The following DGKI variants were observed in gnomAD, a reference collection of about 807,000 sequenced individuals.
DGKI encodes diacylglycerol kinase iota.
Under a neutral mutation model 147.5 loss-of-function variants are expected in DGKI, and 55 were observed. The observed-to-expected ratio is 0.37, with a 90% CI of 0.30 to 0.47. DGKI has a LOEUF of 0.47. Among genes scored for constraint, DGKI ranks in the 20% least tolerant of loss-of-function variants. The probability of loss-of-function intolerance (pLI) is 1.00; values close to 1 mark genes in which losing one functional copy is unlikely to be tolerated. For missense variants in DGKI, 1,007 were observed against 1,323.8 expected (o/e 0.76, Z 3.71); for synonymous variants, 469 against 477.1 (o/e 0.98, Z 0.22).
In DGKI at chr7:137,416,154, T is replaced by C. The variant is rs368463760; in HGVS notation, c.2762-3947A>G. 2.6e-5 allele frequency among the ~76,000 whole-genome samples: 4 copies of C among 151,982 alleles called. No individual in the cohort carries two copies. In the East Asian group the frequency reaches 7.7e-4, roughly 29 times the overall value. Reference sequence around the variant, plus strand: ...AGGAAAGAAAAATGAATTAACTAACTGAAAGCATTTATGTAATAAAATTAG... The same window carrying C: ...AGGAAAGAAAAATGAATTAACTAACCGAAAGCATTTATGTAATAAAATTAG... On this transcript the variant is annotated intron_variant, in intron 28 of 32. Coordinates refer to ENST00000614521, the MANE Select transcript of DGKI (RefSeq NM_001321708.2).
chr7:137,709,433 C>T (rs574094976), intron 1 of DGKI, among the ~76,000 whole-genome samples: 48 of 152,102 alleles, frequency 3.2e-4, no homozygotes, highest in Admixed American at 7.9e-4. Flanking sequence ...TGAAAGATTC[C>T]ACTCATCTTA....
At chr7:137,542,892 C>T (rs1817749072) in intron 20 of DGKI, among the ~76,000 whole-genome samples, 1 of 152,156 alleles carries the variant, frequency 6.6e-6, no homozygotes, top group Non-Finnish European at 1.5e-5. Context: ...ACAACTGAAA[C>T]CTTAATGTTC....
intron 20 of DGKI, among the ~76,000 whole-genome samples, chr7:137,546,329 A>T (rs1817865925): frequency 6.6e-6 from 1 of 152,144 alleles, no homozygotes; most frequent in Non-Finnish European, 1.5e-5. Flanking sequence ...ACACACTTAC[A>T]TATTGAGTGG....
At chr7:137,509,552 T>TG (rs778112292) in intron 21 of DGKI, among the ~76,000 whole-genome samples, 3 of 152,144 alleles carry the variant, frequency 2.0e-5, no homozygotes, top group Non-Finnish European at 2.9e-5. Context: ...CATGGACTTG[T>TG]GGCCTGCTGA....
At chr7:137,400,206 G>A (rs565927940) in intron 30 of DGKI, among the ~76,000 whole-genome samples, 1 of 152,322 alleles carries the variant, frequency 6.6e-6, no homozygotes, top group South Asian at 2.1e-4. Context: ...CTTCACGTCA[G>A]CAAGGGGCTT....
chr7:137,557,366 T>C (rs1044389936), intron 19 of DGKI, among the ~76,000 whole-genome samples: 1 of 152,228 alleles, frequency 6.6e-6, no homozygotes. Flanking sequence ...GATGCAGTCA[T>C]TAAAATAGTG....
chr7:137,832,595 T>C (rs1461340297), intron 1 of DGKI, among the ~76,000 whole-genome samples: 1 of 152,204 alleles, frequency 6.6e-6, no homozygotes, highest in African/African-American at 2.4e-5. Context: ...AAACCATTTT[T>C]TCCTCCTAGG....
intron 3 of DGKI, among the ~76,000 whole-genome samples, chr7:137,675,723 T>C (rs1823013415): frequency 6.8e-6 from 1 of 147,870 alleles, no homozygotes; most frequent in South Asian, 2.1e-4. Context: ...GACTCTCAAG[T>C]CCAACTCCAA....
intron 1 of DGKI, among the ~76,000 whole-genome samples, chr7:137,822,578 T>G (rs1326913422): frequency 6.6e-6 from 1 of 152,150 alleles, no homozygotes; most frequent in East Asian, 1.9e-4. Flanking sequence ...GTCACAGACA[T>G]GCACACCGAG....
chr7:137,465,882 T>G (rs778196039), intron 26 of DGKI, 26 bp downstream of exon 26: 9 of 1,610,064 alleles, frequency 5.6e-6, no homozygotes, highest in Non-Finnish European at 5.9e-6. Context: ...AAGGCCAGCC[T>G]CACAGGCCAG....
chr7:137,405,131 T>A (rs1811893933), intron 30 of DGKI, among the ~76,000 whole-genome samples: 1 of 152,182 alleles, frequency 6.6e-6, no homozygotes, highest in Non-Finnish European at 1.5e-5. Context: ...ACAGGACTCA[T>A]CATTCATGTC....
chr7:137,770,369 G>T (rs1156830796), intron 1 of DGKI, among the ~76,000 whole-genome samples: 1 of 152,024 alleles, frequency 6.6e-6, no homozygotes, highest in Non-Finnish European at 1.5e-5. Flanking sequence ...AATGCATGAG[G>T]GGCTTAAAAC....
rs1287329235 is a variant in DGKI, at chr7:137,381,108, T to A, written c.*10112A>T. 6.6e-6 allele frequency: 1 copy of A among 152,132 alleles called. No individual in the cohort carries two copies. The highest frequency in any genetic ancestry group is 1.5e-5 in the Non-Finnish European group (1 of 67,994). 9.4% of individuals were successfully genotyped at this position (152,132 alleles called of 1,614,324 possible). On this transcript the variant is annotated 3_prime_UTR_variant, in exon 33 of 33. Transcript: ENST00000614521. ...ACAGAAAAAGTGTCCAAAAAGTAAC[T>A]GTAACTAGTCAATTTCTTTTTCAGA... is the stretch of plus-strand genomic sequence containing the variant.
chr7:137,564,090 A>T (rs1818504965), intron 19 of DGKI, among the ~76,000 whole-genome samples: 1 of 152,158 alleles, frequency 6.6e-6, no homozygotes, highest in Admixed American at 6.5e-5. Flanking sequence ...AACAGAATAG[A>T]ATCTAGACAC....
chr7:137,645,342 G>T lies in DGKI; in HGVS notation c.804+130C>A. ...CTACAATGCCTCTTAAGGAGACCTGGACAAGTAAGGTCTTTCAGAAAGGAA... is the reference window on the plus strand; with the variant it reads ...CTACAATGCCTCTTAAGGAGACCTGTACAAGTAAGGTCTTTCAGAAAGGAA... On this transcript the variant is annotated intron_variant, in intron 6 of 32. Coordinates refer to ENST00000614521, the MANE Select transcript of DGKI (RefSeq NM_001321708.2). The T allele has an allele frequency of 6.1e-6, 4 of 656,854 alleles. No homozygotes were observed. In the South Asian group the frequency reaches 1.0e-4, roughly 17 times the overall value. The allele number at this position is 656,854 out of a possible 1,614,324, so 40.7% of individuals were successfully genotyped here. A position where few individuals can be genotyped will look rare whatever the true frequency, so the allele number is the denominator to read the frequency against.
At chr7:137,603,246 A>G (rs1585275392) in intron 10 of DGKI, among the ~76,000 whole-genome samples, 1 of 152,332 alleles carries the variant, frequency 6.6e-6, no homozygotes, top group East Asian at 1.9e-4. Context: ...GGTGTGGAGA[A>G]GCAATCAAGA....
chr7:137,760,861 C>G (rs1795837875), intron 1 of DGKI, among the ~76,000 whole-genome samples: 1 of 152,164 alleles, frequency 6.6e-6, no homozygotes, highest in African/African-American at 2.4e-5. Context: ...TCCTTCCTTC[C>G]AGTCCAGAGG....
At chr7:137,823,304 CAG>C (rs1485193734) in intron 1 of DGKI, among the ~76,000 whole-genome samples, 1 of 152,138 alleles carries the variant, frequency 6.6e-6, no homozygotes, top group Non-Finnish European at 1.5e-5. Flanking sequence ...ACAGCAGCAA[CAG>C]AGATATGCCT....
intron 1 of DGKI, among the ~76,000 whole-genome samples, chr7:137,769,451 T>C (rs1018413196): frequency 1.3e-5 from 2 of 152,088 alleles, no homozygotes; most frequent in African/African-American, 4.8e-5. Context: ...CAAAAGCAAT[T>C]GCAACAAAAG....
Sources: gnomAD v4.1 joint callset for allele counts (sites outside exome capture counted in the v4.1 genomes callset) on GRCh38, gnomAD v4.1.1 for gene constraint, MANE v1.5 for transcripts, NCBI Gene and HGNC (gene_info 2026-07-23, HGNC 2026-07-21) for gene names.